CELA2A: variants seen among roughly 807,000 people sequenced by gnomAD.
CELA2A encodes the protein chymotrypsin like elastase 2A, also known as chymotrypsin-like elastase family member 2A.
CELA2A carries 31 observed loss-of-function variants against 35.3 expected under a neutral mutation model. The observed-to-expected ratio is 0.88, with a 90% CI of 0.66 to 1.19. The LOEUF is 1.19. Ranked by LOEUF, CELA2A falls within the 50% of genes most tolerant of loss-of-function variation. The pLI, the probability that CELA2A is intolerant of heterozygous loss-of-function variation, is 0.00. For synonymous variants in CELA2A, 150 were observed against 149.8 expected (o/e 1.00, Z -0.01); for missense variants, 330 against 352.9 (o/e 0.94, Z 0.52).
At chr1:15,461,056 C>A (rs6429743) in intron 2 of CELA2A, among the ~76,000 whole-genome samples, 41,346 of 151,934 alleles carry the variant, frequency 0.27, 5,838 homozygotes, top group Middle Eastern at 0.43. Flanking sequence ...AAGTGCCGAG[C>A]AAAAGTGGGG....
At chr1:15,466,293 T>C (rs1708517216) in intron 6 of CELA2A, 149 bp downstream of exon 6, 2 of 1,013,902 alleles carry the variant, frequency 2.0e-6, no homozygotes, top group Admixed American at 2.5e-5. Flanking sequence ...CCAGGCACGG[T>C]GGCTCACACC....
intron 3 of CELA2A, 71 bp downstream of exon 3, chr1:15,461,729 G>A: frequency 6.4e-7 from 1 of 1,562,992 alleles, no homozygotes; most frequent in African/African-American, 1.4e-5. Flanking sequence ...GGGCTCAAAT[G>A]GCCTGAACCA....
At chr1:15,466,166 T>C (rs1708515308) in intron 6 of CELA2A, 22 bp downstream of exon 6, 1 of 1,611,524 alleles carries the variant, frequency 6.2e-7, no homozygotes, top group Non-Finnish European at 8.5e-7. Flanking sequence ...AATCAGGGGC[T>C]CCGCTCCATG....
At position 15,465,318 on chromosome 1, in the gene CELA2A, C is replaced by A. The variant is rs368784266; in HGVS notation, c.494-681C>A. ...AGCACCGCGCCCGACCGACACTTAA[C>A]TTCCCTAGGCTTCAATCGGAAGTGA... On this transcript the variant is annotated intron_variant, in intron 5 of 7. Transcript: ENST00000359621. 5.1e-4 allele frequency among the ~76,000 whole-genome samples: 77 copies of A among 152,196 alleles called. 1 individual carries two copies. The highest frequency in any genetic ancestry group is 1.8e-3 in the African/African-American group (74 of 41,552).
At chr1:15,456,978 C>T (rs1166028143) in intron 1 of CELA2A, 108 bp from the exon 2 acceptor site, 1 of 1,289,252 alleles carries the variant, frequency 7.8e-7, no homozygotes, top group Non-Finnish European at 1.1e-6. Context: ...CTCTTGGGAT[C>T]CTTCTAGAAC....
In CELA2A at chr1:15,466,144, C is replaced by A; in HGVS notation, c.639C>A (p.Asn213Lys). ...AGGDGVISSCNGDSGGPLNCQ... is the reference protein window; with the variant it reads ...AGGDGVISSCKGDSGGPLNCQ... ...GTGATGGCGTGATCTCCAGCTGCAA[C>A]GTGAGTACCAAAATCAGGGGCTCCG... The change falls in exon 6 of 8, where the codon AAC becomes AAA. Residue 213 changes from asparagine to lysine, a missense_variant and splice_region_variant. Asn to Lys is a moderately conservative substitution (Grantham distance 94). Coordinates refer to ENST00000359621, the MANE Select transcript of CELA2A (RefSeq NM_033440.3). The A allele has an allele frequency of 6.2e-7, 1 of 1,613,508 alleles. No individual in the cohort carries two copies. The highest frequency in any genetic ancestry group is 8.5e-7 in the Non-Finnish European group (1 of 1,179,582).
rs772898719 is a variant in CELA2A at position 15,471,967 on chromosome 1, C to T, written c.793-23C>T. On this transcript the variant is annotated intron_variant, in intron 7 of 7. Coordinates refer to ENST00000359621, the MANE Select transcript of CELA2A (RefSeq NM_033440.3). ...CAGCTCTGCGGTTAGGTGAACCTGACGATTATCTTGTGTGTCCTGCAGGTG... is the reference window on the plus strand; with the variant it reads ...CAGCTCTGCGGTTAGGTGAACCTGATGATTATCTTGTGTGTCCTGCAGGTG... 1.4e-5 allele frequency: 23 copies of T among 1,613,872 alleles called. No individual in the cohort carries two copies. In the Admixed American group the frequency reaches 3.0e-4, roughly 21 times the overall value.
At chr1:15,462,663 G>A in intron 3 of CELA2A, 70 bp from the exon 4 acceptor site, 2 of 1,587,478 alleles carry the variant, frequency 1.3e-6, no homozygotes, top group South Asian at 2.3e-5. Flanking sequence ...AGTTACTTGG[G>A]TCTATCCCCA....
Position 15,467,458 on chromosome 1 carries a change from G to C in CELA2A, c.712G>C (p.Gly238Arg). 1 of 1,614,118 alleles carries C rather than the reference G, an allele frequency of 6.2e-7. No homozygotes were observed. The highest frequency in any genetic ancestry group is 8.5e-7 in the Non-Finnish European group (1 of 1,180,042). Residue 238 changes from glycine to arginine, a missense_variant, in exon 7 of 8, where the codon GGG (glycine) becomes CGG (arginine). By Grantham distance (125) the Gly-to-Arg change is moderately radical. Transcript: ENST00000359621. ...GCAGGTGCACGGCATCGTCAGCTTC[G>C]GGTCTCGCCTCGGCTGCAACTACTA... ...RWQVHGIVSF[G>R]SRLGCNYYHK... is the part of the protein sequence containing the mutation.
chr1:15,469,887 T>G (rs1708567765), intron 7 of CELA2A, among the ~76,000 whole-genome samples: 2 of 152,156 alleles, frequency 1.3e-5, no homozygotes, highest in African/African-American at 4.8e-5. Context: ...GGAGTCACCA[T>G]GCAGCTGGTC....
At chr1:15,463,154 A>G (rs1328294863) in intron 4 of CELA2A, 1 of 736,608 alleles carries the variant, frequency 1.4e-6, no homozygotes, top group Non-Finnish European at 2.2e-6. Context: ...CTGGGGACAC[A>G]GGGACAGTGC....
In CELA2A at chr1:15,467,518, TA is replaced by T; in HGVS notation, c.773del (p.Tyr258SerfsTer8). On this transcript the variant is annotated frameshift_variant, in exon 7 of 8. Coordinates refer to ENST00000359621, the MANE Select transcript of CELA2A (RefSeq NM_033440.3). LOFTEE classifies it high-confidence loss of function. ...KPSVFTRVSN[Y>X]IDWINSVIAN... ...CTCCGTCTTCACGCGGGTCTCCAAT[TA>T]CATCGACTGGATCAATTCGGTAAGA... 2 of 1,614,124 alleles carry T rather than the reference TA, an allele frequency of 1.2e-6. No individual in the cohort carries two copies. The highest frequency in any genetic ancestry group is 1.7e-6 in the Non-Finnish European group (2 of 1,180,036).
chr1:15,460,396 C>T (rs567039097), intron 2 of CELA2A, among the ~76,000 whole-genome samples: 92 of 152,120 alleles, frequency 6.0e-4, no homozygotes, highest in African/African-American at 2.1e-3. Context: ...GTCACACAAA[C>T]GAGAAATGCC....
intron 7 of CELA2A, among the ~76,000 whole-genome samples, chr1:15,470,674 G>A (rs1159540536): frequency 2.6e-5 from 4 of 152,030 alleles, no homozygotes; most frequent in Non-Finnish European, 4.4e-5. Context: ...TCCACCTCCC[G>A]GGTTCAAGCG....
chr1:15,462,761 G>A lies in CELA2A; in HGVS notation c.256G>A (p.Gly86Ser). ...CTCCAGGACCTACCGCGTGGGGCTGGGCCGGCACAACCTCTACGTTGCGGA... is the reference window on the plus strand; with the variant it reads ...CTCCAGGACCTACCGCGTGGGGCTGAGCCGGCACAACCTCTACGTTGCGGA... ...SSSRTYRVGLGRHNLYVAESG... is the reference protein window; with the variant it reads ...SSSRTYRVGLSRHNLYVAESG... The change falls in exon 4 of 8, where the codon GGC (glycine) becomes AGC (serine). Residue 86 changes from glycine (G) to serine (S), a missense_variant. Coordinates refer to ENST00000359621, the MANE Select transcript of CELA2A (RefSeq NM_033440.3). 1 of 1,614,058 alleles carries A rather than the reference G, an allele frequency of 6.2e-7. No homozygotes were observed. Among genetic ancestry groups the A allele is most frequent in the Non-Finnish European group, 8.5e-7 (1 of 1,180,014 alleles).
intron 4 of CELA2A, 39 bp from the exon 5 acceptor site, chr1:15,463,347 T>G: frequency 6.2e-7 from 1 of 1,611,944 alleles, no homozygotes; most frequent in Non-Finnish European, 8.5e-7. Flanking sequence ...GCAGGAAAAG[T>G]CAACCCGGTC....
chr1:15,459,162 A>ATT (rs34895778), intron 2 of CELA2A, among the ~76,000 whole-genome samples: 4 of 137,148 alleles, frequency 2.9e-5, no homozygotes, highest in African/African-American at 5.4e-5. Context: ...ACCCATAGTA[A>ATT]TTTTTTTTTT....
intron 7 of CELA2A, among the ~76,000 whole-genome samples, chr1:15,469,769 G>A (rs1270363800): frequency 2.6e-5 from 4 of 152,066 alleles, no homozygotes; most frequent in Non-Finnish European, 2.9e-5. Flanking sequence ...CTTTGGAGGC[G>A]CCACCCACAT....
chr1:15,466,584 G>T (rs763390391), intron 6 of CELA2A, among the ~76,000 whole-genome samples: 1 of 151,802 alleles, frequency 6.6e-6, no homozygotes, highest in African/African-American at 2.4e-5. Flanking sequence ...ACTTGATCTT[G>T]GTTCTTTTTT....
Sources: gnomAD v4.1 joint callset for allele counts (sites outside exome capture counted in the v4.1 genomes callset) on GRCh38, gnomAD v4.1.1 for gene constraint, MANE v1.5 for transcripts, NCBI Gene and HGNC (gene_info 2026-07-23, HGNC 2026-07-21) for gene names.